The following CTNNBIP1 variants were observed in gnomAD, a reference collection of about 807,000 sequenced individuals.
The protein encoded by CTNNBIP1 is beta-catenin-interacting protein 1.
CTNNBIP1 carries 7 observed loss-of-function variants against 11.8 expected under a neutral mutation model. That is an observed-to-expected ratio of 0.60 (90% confidence interval 0.34 to 1.12). The LOEUF (loss-of-function observed/expected upper bound fraction) is 1.12. Ranked by LOEUF, CTNNBIP1 falls within the 50% of genes most tolerant of loss-of-function variation. The pLI is 0.03. For missense variants in CTNNBIP1, 101 were observed against 113.4 expected (o/e 0.89, Z 0.50); for synonymous variants, 58 against 43.9 (o/e 1.32, Z -1.26).
At chr1:9,892,420 TAAAA>T (rs764342054) in intron 1 of CTNNBIP1, among the ~76,000 whole-genome samples, 1 of 112,294 alleles carries the variant, frequency 8.9e-6, no homozygotes. Context: ...AGACTCCGTC[TAAAA>T]AAAAAAAAAA....
intron 3 of CTNNBIP1, among the ~76,000 whole-genome samples, chr1:9,876,794 A>T (rs56658933): frequency 0.035 from 5,289 of 152,092 alleles, 296 homozygotes; most frequent in African/African-American, 0.12. Flanking sequence ...ATGAAAAGAC[A>T]TTAAGGTACA....
chr1:9,862,804 C>G (rs898536191), intron 5 of CTNNBIP1, among the ~76,000 whole-genome samples: 1 of 152,240 alleles, frequency 6.6e-6, no homozygotes, highest in African/African-American at 2.4e-5. Flanking sequence ...CCAGTCTGCT[C>G]TGCTGGTCCA....
At chr1:9,899,669 G>C (rs1390943082) in intron 1 of CTNNBIP1, among the ~76,000 whole-genome samples, 4 of 151,962 alleles carry the variant, frequency 2.6e-5, no homozygotes, top group Middle Eastern at 3.4e-3. Context: ...TGAGGCAAGG[G>C]AATCACTTGA....
chr1:9,861,191 C>T (rs1176062312), intron 5 of CTNNBIP1, among the ~76,000 whole-genome samples: 5 of 152,178 alleles, frequency 3.3e-5, no homozygotes, highest in Non-Finnish European at 7.3e-5. Flanking sequence ...CTATTAATAC[C>T]AACTAGCATC....
chr1:9,882,019 A>G (rs1275464972), intron 2 of CTNNBIP1, among the ~76,000 whole-genome samples: 3 of 152,196 alleles, frequency 2.0e-5, no homozygotes, highest in Non-Finnish European at 4.4e-5. Context: ...CCAACCACAT[A>G]TTATGTACTG....
At chr1:9,895,138 A>G (rs1557764348) in intron 1 of CTNNBIP1, among the ~76,000 whole-genome samples, 1 of 150,986 alleles carries the variant, frequency 6.6e-6, no homozygotes, top group Non-Finnish European at 1.5e-5. Flanking sequence ...CGATCTCCTG[A>G]CCTCATGATA....
rs1639005414 is a variant in CTNNBIP1 at position 9,877,904 on chromosome 1, C to T, written c.-25+1G>A. 6.5e-6 allele frequency: 1 copy of T among 152,780 alleles called. No individual in the cohort carries two copies. The highest frequency in any genetic ancestry group is 2.1e-4 in the South Asian group (1 of 4,840). 9.5% of individuals were successfully genotyped at this position (152,780 alleles called of 1,614,324 possible). On this transcript the variant is annotated splice_donor_variant, in intron 3 of 5. Transcript: ENST00000377263. LOFTEE classifies it low-confidence loss of function (5UTR_SPLICE). ...CAGAGTCCTTCCCCTGGGGGCCTTA[C>T]CTGCTTCTGGAAATTAACTTCAGGC...
chr1:9,890,055 T>C (rs1487996622), intron 1 of CTNNBIP1, among the ~76,000 whole-genome samples: 1 of 152,198 alleles, frequency 6.6e-6, no homozygotes, highest in East Asian at 1.9e-4. Flanking sequence ...ACCTGCATGT[T>C]CCTATAACTG....
At chr1:9,854,673 TA>T (rs969740400) in intron 5 of CTNNBIP1, among the ~76,000 whole-genome samples, 25 of 151,298 alleles carry the variant, frequency 1.7e-4, no homozygotes, top group Non-Finnish European at 2.5e-4. Context: ...AGGAATCCAC[TA>T]AAAAAAAATT....
chr1:9,890,293 C>T (rs1639275106), intron 1 of CTNNBIP1, among the ~76,000 whole-genome samples: 1 of 152,172 alleles, frequency 6.6e-6, no homozygotes, highest in South Asian at 2.1e-4. Context: ...TGCCCCAGAA[C>T]ACTGAAGATC....
chr1:9,902,903 C>A (rs1639549935), intron 1 of CTNNBIP1, among the ~76,000 whole-genome samples: 2 of 152,054 alleles, frequency 1.3e-5, no homozygotes, highest in Non-Finnish European at 2.9e-5. Context: ...GTAGCTGGGA[C>A]TACAGGTGCG....
chr1:9,861,876 T>G (rs752494719), intron 5 of CTNNBIP1, among the ~76,000 whole-genome samples: 1 of 152,308 alleles, frequency 6.6e-6, no homozygotes, highest in South Asian at 2.1e-4. Flanking sequence ...TACTCATCTG[T>G]ACAACGTGAT....
At chr1:9,879,894 C>A (rs1170465532) in intron 2 of CTNNBIP1, among the ~76,000 whole-genome samples, 1 of 152,114 alleles carries the variant, frequency 6.6e-6, no homozygotes, top group East Asian at 1.9e-4. Flanking sequence ...GACAGCTGTT[C>A]TATTTGTCAT....
chr1:9,893,512 C>A (rs1473722663), intron 1 of CTNNBIP1, among the ~76,000 whole-genome samples: 1 of 152,172 alleles, frequency 6.6e-6, no homozygotes, highest in African/African-American at 2.4e-5. Context: ...AAGACTGTTA[C>A]ATTTTACAAA....
At chr1:9,880,522 T>C (rs1245191509) in intron 2 of CTNNBIP1, among the ~76,000 whole-genome samples, 1 of 152,190 alleles carries the variant, frequency 6.6e-6, no homozygotes, top group Admixed American at 6.5e-5. Flanking sequence ...TCAAGTGGTA[T>C]TTCTGGTTCT....
At chr1:9,865,147 T>C (rs1288422171) in intron 5 of CTNNBIP1, among the ~76,000 whole-genome samples, 1 of 151,698 alleles carries the variant, frequency 6.6e-6, no homozygotes, top group Non-Finnish European at 1.5e-5. Flanking sequence ...GAGAATTGCT[T>C]GAACCTGTGA....
chr1:9,881,960 A>G (rs1333477945), intron 2 of CTNNBIP1, among the ~76,000 whole-genome samples: 1 of 152,194 alleles, frequency 6.6e-6, no homozygotes, highest in Non-Finnish European at 1.5e-5. Context: ...AATACATGAT[A>G]ATGAGCCAAA....
Position 9,849,619 on chromosome 1 carries a change from C to G in CTNNBIP1, c.*1099G>C, listed in dbSNP as rs1336563247. ...CCTCCAGAGTCTTTGGGGTCTCACA[C>G]TGGGAGAAGCTCCTCCCCTTTCCAA... On this transcript the variant is annotated 3_prime_UTR_variant, in exon 6 of 6. Coordinates refer to ENST00000377263, the MANE Select transcript of CTNNBIP1 (RefSeq NM_020248.3). 6.6e-6 allele frequency: 1 copy of G among 152,258 alleles called. No individual in the cohort carries two copies. Among genetic ancestry groups the G allele is most frequent in the African/African-American group, 2.4e-5 (1 of 41,446 alleles). 9.4% of individuals were successfully genotyped at this position (152,258 alleles called of 1,614,324 possible).
intron 1 of CTNNBIP1, among the ~76,000 whole-genome samples, chr1:9,887,933 T>A (rs1639218761): frequency 1.3e-5 from 2 of 151,894 alleles, no homozygotes; most frequent in African/African-American, 4.8e-5. Flanking sequence ...CAAGTGATTA[T>A]CCTGCCTCAG....
Sources: allele counts gnomAD v4.1 joint callset (sites outside exome capture counted in the v4.1 genomes callset), GRCh38; gene constraint gnomAD v4.1.1; transcripts MANE v1.5; gene names NCBI Gene and HGNC (gene_info 2026-07-23, HGNC 2026-07-21).